The following DOCK10 variants were observed in gnomAD, a reference collection of about 807,000 sequenced individuals.
DOCK10 encodes dedicator of cytokinesis 10.
DOCK10 carries 145 observed loss-of-function variants against 280.1 expected under a neutral mutation model. That is an observed-to-expected ratio of 0.52 (90% CI 0.45 to 0.59). The LOEUF is 0.59. Among genes scored for constraint, DOCK10 ranks in the 20% least tolerant of loss-of-function variants. The pLI is 0.00. For synonymous variants in DOCK10, 915 were observed against 942.2 expected (o/e 0.97, Z 0.53); for missense variants, 2,368 against 2,651.7 (o/e 0.89, Z 2.35).
At chr2:224,837,017 T>C (rs916852809) in intron 25 of DOCK10, among the ~76,000 whole-genome samples, 12 of 152,154 alleles carry the variant, frequency 7.9e-5, no homozygotes, top group African/African-American at 2.7e-4. Flanking sequence ...ATTTAATCTA[T>C]GCATAGGAAA....
chr2:224,985,497 T>C (rs1705948625), intron 1 of DOCK10, among the ~76,000 whole-genome samples: 1 of 151,880 alleles, frequency 6.6e-6, no homozygotes, highest in East Asian at 1.9e-4. Context: ...GTGTAGACTG[T>C]AGTAGCCTTA....
In DOCK10 at chr2:224,797,881, GCTGA is replaced by G; in HGVS notation, c.4591_4594del (p.Ser1531ProfsTer4). 2.5e-6 allele frequency: 4 copies of G among 1,613,844 alleles called. No homozygotes were observed. Among genetic ancestry groups the G allele is most frequent in the Non-Finnish European group, 3.4e-6 (4 of 1,179,786 alleles). On this transcript the variant is annotated frameshift_variant, in exon 42 of 56. Transcript: ENST00000258390. LOFTEE classifies it high-confidence loss of function. ...GGCAAACACATGCTTCAGCGCTGTG[GCTGA>G]CTGATTGACTTGGAAAAAGAGCATG...
At chr2:225,040,167 T>A (rs1690380244) in intron 1 of DOCK10, among the ~76,000 whole-genome samples, 1 of 152,214 alleles carries the variant, frequency 6.6e-6, no homozygotes, top group African/African-American at 2.4e-5. Flanking sequence ...AGGGATGCTC[T>A]ACACCCACAG....
chr2:224,884,543 A>T (rs6722373), intron 7 of DOCK10, among the ~76,000 whole-genome samples: 36,459 of 152,188 alleles, frequency 0.24, 6,072 homozygotes, highest in African/African-American at 0.48. Flanking sequence ...GGAAGCAGCG[A>T]TTCGAAAGCC....
rs530348478 is a variant in DOCK10, at chr2:225,032,921, T to G, written c.123+9331A>C. Among the ~76,000 whole-genome samples, 40 of 152,358 alleles carry G rather than the reference T, an allele frequency of 2.6e-4. No homozygotes were observed. In the South Asian group the frequency reaches 4.3e-3, roughly 17 times the overall value. ...ATTTTGACAGCCTCAATTAGTCATT[T>G]AAATTGGTAATTACTAAGATAATTA... On this transcript the variant is annotated intron_variant, in intron 1 of 55. Transcript: ENST00000258390.
At chr2:224,926,596 A>G (rs1408895287) in intron 2 of DOCK10, among the ~76,000 whole-genome samples, 1 of 152,242 alleles carries the variant, frequency 6.6e-6, no homozygotes, top group Non-Finnish European at 1.5e-5. Flanking sequence ...GCCAGGCACT[A>G]TGTTAGAAGG....
chr2:225,017,274 A>T (rs1050237605), intron 1 of DOCK10, among the ~76,000 whole-genome samples: 1 of 152,174 alleles, frequency 6.6e-6, no homozygotes, highest in African/African-American at 2.4e-5. Context: ...TCAACTAGGG[A>T]TGGAATTAAC....
chr2:224,854,978 G>T lies in DOCK10; in HGVS notation c.1873C>A (p.Pro625Thr). ...GSLDIAVDNV[P>T]LEHPNCVTSS... ...ATCATCATACTTGGATGCTCCAAGG[G>T]AACGTTGTCAACAGCAATATCCAGG... Residue 625 changes from proline to threonine, a missense_variant, in exon 16 of 56, where the codon CCC becomes ACC. Physicochemically the swap from Pro to Thr is conservative, Grantham distance 38 (BLOSUM62 -1). Transcript: ENST00000258390. 1 of 1,608,884 alleles carries T rather than the reference G, an allele frequency of 6.2e-7. No individual in the cohort carries two copies. Among genetic ancestry groups the T allele is most frequent in the Non-Finnish European group, 8.5e-7 (1 of 1,177,418 alleles).
chr2:224,834,247 C>T lies in DOCK10; in HGVS notation c.2867G>A (p.Arg956Lys). 1 of 1,608,452 alleles carries T rather than the reference C, an allele frequency of 6.2e-7. No homozygotes were observed. The highest frequency in any genetic ancestry group is 2.2e-5 in the East Asian group (1 of 44,816). ...QSYIKFVFKT[R>K]ACKERTVHEE... ...ATGTACAGTCCTCTCCTTGCATGCC[C>T]TGGTCTTGAACACGAACTGAAGAAA... is the stretch of plus-strand genomic sequence containing the variant. The change falls in exon 26 of 56, where the codon AGG becomes AAG. Residue 956 changes from arginine to lysine, a missense_variant. By Grantham distance (26) the Arg-to-Lys change is conservative (BLOSUM62 2). This residue lies in a region of DOCK10 where 1,209 missense variants were observed against 1,250.9 expected (regional missense o/e 0.97). Transcript: ENST00000258390.
In DOCK10 at chr2:224,829,576, G is replaced by A. The variant is rs1041287414; in HGVS notation, c.3036+965C>T. Among the ~76,000 whole-genome samples, 165 of 152,210 alleles carry A rather than the reference G, an allele frequency of 1.1e-3. 3 individuals carry two copies. Among genetic ancestry groups the A allele is most frequent in the Admixed American group, 0.011 (165 of 15,282 alleles). ...CCACAATGGGGGCTCAGAGAAATGT[G>A]TGTGGAACTCAGGTGATCTACCTGG... On this transcript the variant is annotated intron_variant, in intron 27 of 55. Transcript: ENST00000258390.
Position 224,957,288 on chromosome 2 carries a change from C to CCCA in DOCK10, c.124-25621_124-25620insTGG, listed in dbSNP as rs892616257. Among the ~76,000 whole-genome samples the CCCA allele has an allele frequency of 1.4e-4, 21 of 145,814 alleles. 1 individual carries two copies. The highest frequency in any genetic ancestry group is 2.3e-4 in the Non-Finnish European group (15 of 66,294). ...TAGTATTTAGTTTTTACTTTCCGCCCCCCCCCGGCTTTGTTTTTCGGAGAT... is the reference window on the plus strand; with the variant it reads ...TAGTATTTAGTTTTTACTTTCCGCCCCCACCCCCCGGCTTTGTTTTTCGGAGAT... On this transcript the variant is annotated intron_variant, in intron 1 of 55. Coordinates refer to ENST00000258390, the MANE Select transcript of DOCK10 (RefSeq NM_014689.3).
chr2:224,778,193 A>C lies in DOCK10; in HGVS notation c.5747T>G (p.Leu1916Arg), dbSNP rs761097705. Residue 1916 changes from leucine (L) to arginine (R), a missense_variant, in exon 51 of 56, where the codon CTC (leucine) becomes CGC (arginine). Transcript: ENST00000258390. Reference sequence around the variant, plus strand: ...GTCTGCTCCAAATTTATCTGCATAGAGCTTGAGTAATCTTTGGGAAATCTC... The same window carrying C: ...GTCTGCTCCAAATTTATCTGCATAGCGCTTGAGTAATCTTTGGGAAATCTC... ...LSEISQRLLK[L>R]YADKFGADNV... The C allele has an allele frequency of 1.2e-6, 2 of 1,613,384 alleles. No individual in the cohort carries two copies. Among genetic ancestry groups the C allele is most frequent in the Admixed American group, 1.7e-5 (1 of 59,972 alleles).
rs570258959 is a variant in DOCK10, at chr2:224,955,746, G to T, written c.124-24078C>A. Among the ~76,000 whole-genome samples, 27 of 152,362 alleles carry T rather than the reference G, an allele frequency of 1.8e-4. 1 individual carries two copies. In the South Asian group the frequency reaches 4.8e-3, roughly 27 times the overall value. On this transcript the variant is annotated intron_variant, in intron 1 of 55. Transcript: ENST00000258390. ...CCTTTATTTAGTTGTGCACACTGCA[G>T]TAAATTCTTGACATTTTGAAGTCCA...
At chr2:224,957,285 G>GC (rs35689409) in intron 1 of DOCK10, among the ~76,000 whole-genome samples, 25,916 of 117,796 alleles carry the variant, frequency 0.22, 3,512 homozygotes, top group Non-Finnish European at 0.25. Flanking sequence ...TTTACTTTCC[G>GC]CCCCCCCCCG....
intron 1 of DOCK10, among the ~76,000 whole-genome samples, chr2:224,963,357 A>C (rs1430677148): frequency 6.6e-6 from 1 of 151,492 alleles, no homozygotes; most frequent in Non-Finnish European, 1.5e-5. Context: ...ACAGGTCTGC[A>C]ATAGATCAAT....
At chr2:224,780,930 C>T (rs1691288152) in intron 50 of DOCK10, among the ~76,000 whole-genome samples, 1 of 151,652 alleles carries the variant, frequency 6.6e-6, no homozygotes, top group Admixed American at 6.6e-5. Flanking sequence ...CGGCCTTGCT[C>T]ATAACCTGTG....
At chr2:224,773,057 G>A in intron 53 of DOCK10, 100 bp downstream of exon 53, 1 of 1,127,756 alleles carries the variant, frequency 8.9e-7, no homozygotes, top group Non-Finnish European at 1.2e-6. Context: ...TCACAAAAGG[G>A]AAAATGTTTC....
intron 37 of DOCK10, 105 bp from the exon 38 acceptor site, chr2:224,804,946 G>GTTC (rs1693287505): frequency 7.3e-6 from 9 of 1,233,164 alleles, no homozygotes; most frequent in Non-Finnish European, 1.0e-5. Flanking sequence ...TCTTTAAATA[G>GTTC]TTCATATATT....
At chr2:224,882,793 T>C (rs4674947) in intron 7 of DOCK10, among the ~76,000 whole-genome samples, 26,662 of 152,112 alleles carry the variant, frequency 0.18, 3,846 homozygotes, top group African/African-American at 0.41. Flanking sequence ...ATGATTCATC[T>C]TCAGGCACAT....
Sources: gnomAD v4.1 joint callset for allele counts (sites outside exome capture counted in the v4.1 genomes callset) on GRCh38, gnomAD v4.1.1 for gene constraint, gnomAD v4.1.1 regional missense constraint, MANE v1.5 for transcripts, NCBI Gene and HGNC (gene_info 2026-07-23, HGNC 2026-07-21) for gene names.